PARP6: variants seen among roughly 807,000 people sequenced by gnomAD.
PARP6 encodes poly(ADP-ribose) polymerase family member 6, also known as protein mono-ADP-ribosyltransferase PARP6.
In PARP6, 27 loss-of-function variants were observed where a neutral mutation model predicts 92.0. The observed-to-expected ratio is 0.29, with a 90% CI of 0.22 to 0.40. The LOEUF is 0.40. Ranked by LOEUF, PARP6 falls within the 10% of genes least tolerant of loss-of-function variation. PARP6 has a pLI of 1.00. For synonymous variants in PARP6, 272 were observed against 281.2 expected (o/e 0.97, Z 0.33); for missense variants, 501 against 784.5 (o/e 0.64, Z 4.32).
At chr15:72,266,869 T>C (rs749353789) in intron 3 of PARP6, 47 bp from the exon 4 acceptor site, 2 of 1,436,356 alleles carry the variant, frequency 1.4e-6, no homozygotes, top group Non-Finnish European at 9.8e-7. Flanking sequence ...GTCCCTATTA[T>C]CCCATGGAAA....
chr15:72,267,757 CTT>C (rs368211023), intron 2 of PARP6, 86 bp from the exon 3 acceptor site: 74 of 309,328 alleles, frequency 2.4e-4, no homozygotes, highest in South Asian at 4.7e-4. Flanking sequence ...TATCAATACA[CTT>C]TTTTTTTTTG....
chr15:72,268,913 C>T (rs2086974230), intron 2 of PARP6, among the ~76,000 whole-genome samples: 1 of 152,178 alleles, frequency 6.6e-6, no homozygotes. Flanking sequence ...ACTCCTAATC[C>T]TATACCAGCA....
At chr15:72,257,748 T>A (rs995313753) in intron 12 of PARP6, among the ~76,000 whole-genome samples, 4 of 152,210 alleles carry the variant, frequency 2.6e-5, no homozygotes, top group African/African-American at 9.7e-5. Flanking sequence ...CTGTCTCCCA[T>A]CTGGACTTAG....
chr15:72,256,391 G>C, intron 14 of PARP6, 74 bp downstream of exon 14: 1 of 1,266,360 alleles, frequency 7.9e-7, no homozygotes, highest in Non-Finnish European at 1.0e-6. Context: ...GTATATACCA[G>C]AATGTCAGCC....
intron 1 of PARP6, among the ~76,000 whole-genome samples, chr15:72,271,582 A>G (rs2087440483): frequency 6.6e-6 from 1 of 152,230 alleles, no homozygotes; most frequent in Admixed American, 6.5e-5. Context: ...TTAGACCTAC[A>G]GAGGTCGACC....
intron 10 of PARP6, 40 bp downstream of exon 10, chr15:72,260,438 C>T (rs747387335): frequency 1.3e-6 from 2 of 1,527,590 alleles, no homozygotes; most frequent in Admixed American, 1.7e-5. Context: ...CCACTCCCAC[C>T]CTCCTGATAG....
chr15:72,268,371 A>C lies in PARP6; in HGVS notation c.-194-700T>G, dbSNP rs139189338. ...GAATCGGATTATTTCTGGACTCTTT[A>C]TTCTTAGTTATTTCTCCATATTAGC... On this transcript the variant is annotated intron_variant, in intron 2 of 23. Coordinates refer to ENST00000569795, the MANE Select transcript of PARP6 (RefSeq NM_001323532.2). Among the ~76,000 whole-genome samples, 1,218 of 152,346 alleles carry C rather than the reference A, an allele frequency of 8.0e-3. 10 individuals carry two copies. The highest frequency in any genetic ancestry group is 0.014 in the Non-Finnish European group (921 of 68,030).
At position 72,242,876 on chromosome 15, in the gene PARP6, C is replaced by T. The variant is rs2083213175; in HGVS notation, c.1562-177G>A. On this transcript the variant is annotated intron_variant, in intron 20 of 23. Transcript: ENST00000569795. The surrounding 1 kb of genome is among the most constrained non-coding windows in gnomAD (Gnocchi z 4.3). Reference sequence around the variant, plus strand: ...AAGCAAGAACAAGTAATTAACAACACAGCATGGTAAGGGGTTGTGATGCAG... The same window carrying T: ...AAGCAAGAACAAGTAATTAACAACATAGCATGGTAAGGGGTTGTGATGCAG... 1.2e-5 allele frequency: 7 copies of T among 584,204 alleles called. No homozygotes were observed. Among genetic ancestry groups the T allele is most frequent in the African/African-American group, 1.9e-5 (1 of 52,790 alleles). 36.2% of individuals were successfully genotyped at this position (584,204 alleles called of 1,614,324 possible).
rs1429183245 is a variant in PARP6, at chr15:72,261,629, G to A, written c.474C>T (p.His158=). 3 of 1,613,986 alleles carry A rather than the reference G, an allele frequency of 1.9e-6. No individual in the cohort carries two copies. Among genetic ancestry groups the A allele is most frequent in the Admixed American group, 3.3e-5 (2 of 60,012 alleles). The change falls in exon 9 of 24, where the codon CAC becomes CAT. Residue 158 remains histidine, a synonymous_variant. Coordinates refer to ENST00000569795, the MANE Select transcript of PARP6 (RefSeq NM_001323532.2). ...DFLKTQQEKR[H]SWFKASGTIK... The stretch of plus-strand genomic sequence containing the variant: ...TGGTACCACTTGCCTTGAACCAACT[G>A]TGCCTCTTCTCCTGCTGGGTCTTCA...
intron 20 of PARP6, among the ~76,000 whole-genome samples, chr15:72,246,701 C>CA (rs985165324): frequency 2.0e-5 from 3 of 152,058 alleles, no homozygotes; most frequent in African/African-American, 4.8e-5. Context: ...ATAAAAAAGG[C>CA]ATCACAGTCT....
At chr15:72,267,710 A>T in intron 2 of PARP6, 39 bp from the exon 3 acceptor site, 1 of 550,352 alleles carries the variant, frequency 1.8e-6, no homozygotes, top group Admixed American at 3.1e-5. Context: ...ATCACCACTT[A>T]ATAGCTGGGT....
chr15:72,251,138 G>T, intron 17 of PARP6, 69 bp downstream of exon 17: 2 of 1,116,322 alleles, frequency 1.8e-6, no homozygotes, highest in Non-Finnish European at 2.8e-6. Context: ...AATATGGTTA[G>T]CTGGCTTCCA....
intron 8 of PARP6, 37 bp from the exon 9 acceptor site, chr15:72,261,744 G>C: frequency 6.2e-7 from 1 of 1,605,976 alleles, no homozygotes; most frequent in Non-Finnish European, 8.5e-7. Context: ...GGCAAGATGA[G>C]GCAGGGTCAA....
chr15:72,247,501 T>C (rs2083765909), intron 20 of PARP6, among the ~76,000 whole-genome samples: 1 of 152,154 alleles, frequency 6.6e-6, no homozygotes, highest in Non-Finnish European at 1.5e-5. Flanking sequence ...TAGTCAAATT[T>C]ATCAATCTTT....
At position 72,242,981 on chromosome 15, in the gene PARP6, G is replaced by C. The variant is rs1266635263; in HGVS notation, c.1562-282C>G. The C allele has an allele frequency of 5.0e-6, 2 of 400,992 alleles. No homozygotes were observed. The highest frequency in any genetic ancestry group is 8.9e-6 in the Non-Finnish European group (2 of 225,156). The allele number at this position is 400,992 out of a possible 1,614,324, so 24.8% of individuals were successfully genotyped here. Reference sequence around the variant, plus strand: ...TAAAGAAGTCATGTGGTGACAGCTAGACTGAGAACTGCAGGATTAGGAAGA... The same window carrying C: ...TAAAGAAGTCATGTGGTGACAGCTACACTGAGAACTGCAGGATTAGGAAGA... On this transcript the variant is annotated intron_variant, in intron 20 of 23. Coordinates refer to ENST00000569795, the MANE Select transcript of PARP6 (RefSeq NM_001323532.2). This position sits in a 1 kb window ranked among gnomAD's most constrained non-coding sequence, Gnocchi z 4.3.
chr15:72,254,407 C>T (rs1373142762), intron 15 of PARP6, 48 bp downstream of exon 15: 27 of 1,338,546 alleles, frequency 2.0e-5, no homozygotes, highest in Non-Finnish European at 2.8e-5. Flanking sequence ...GAATAGGACA[C>T]TTGAACTGGG....
At position 72,242,750 on chromosome 15, in the gene PARP6, CCTA is replaced by C; in HGVS notation, c.1562-54_1562-52del. On this transcript the variant is annotated intron_variant, in intron 20 of 23. Coordinates refer to ENST00000569795, the MANE Select transcript of PARP6 (RefSeq NM_001323532.2). This position sits in a 1 kb window ranked among gnomAD's most constrained non-coding sequence, Gnocchi z 4.3. ...CATTTATCAAAAATTTACGAAAGTG[CCTA>C]CTATGTCCCAGCACTGAGCTAGATG... 1.8e-6 allele frequency: 2 copies of C among 1,132,724 alleles called. No homozygotes were observed. Among genetic ancestry groups the C allele is most frequent in the Non-Finnish European group, 2.6e-6 (2 of 762,936 alleles). 70.2% of individuals were successfully genotyped at this position (1,132,724 alleles called of 1,614,324 possible).
intron 15 of PARP6, 82 bp downstream of exon 15, chr15:72,254,373 T>A: frequency 1.0e-6 from 1 of 965,856 alleles, no homozygotes; most frequent in Non-Finnish European, 1.7e-6. Context: ...TAAATCTTCA[T>A]CCCACTCCCA....
chr15:72,253,696 A>G lies in PARP6; in HGVS notation c.1192-192T>C, dbSNP rs183499055. 28 of 689,936 alleles carry G rather than the reference A, an allele frequency of 4.1e-5. No homozygotes were observed. The Admixed American group carries it at 4.2e-4, about 10-fold the overall frequency. The allele number at this position is 689,936 out of a possible 1,614,324, so 42.7% of individuals were successfully genotyped here. On this transcript the variant is annotated intron_variant, in intron 15 of 23. Transcript: ENST00000569795. Reference sequence around the variant, plus strand: ...GGAAGACTCATAAATAAATATGAAAATGACTGAAGATGCTTACAAAACAAC... The same window carrying G: ...GGAAGACTCATAAATAAATATGAAAGTGACTGAAGATGCTTACAAAACAAC...
Sources: allele counts gnomAD v4.1 joint callset (sites outside exome capture counted in the v4.1 genomes callset), GRCh38; gene constraint gnomAD v4.1.1; non-coding constraint Gnocchi (gnomAD v3.1); transcripts MANE v1.5; gene names NCBI Gene and HGNC (gene_info 2026-07-23, HGNC 2026-07-21).